The following CHD2 variants were observed in gnomAD, a reference collection of about 807,000 sequenced individuals.
The protein encoded by CHD2 is chromodomain helicase DNA binding protein 2.
Under a neutral mutation model 243.9 loss-of-function variants are expected in CHD2, and 28 were observed. The observed-to-expected ratio is 0.11, with a 90% CI of 0.09 to 0.16. The LOEUF (loss-of-function observed/expected upper bound fraction) is 0.16. Ranked by LOEUF, CHD2 falls within the 10% of genes least tolerant of loss-of-function variation. The pLI is 1.00. For synonymous variants in CHD2, 775 were observed against 779.0 expected (o/e 0.99, Z 0.09); for missense variants, 1,386 against 2,209.8 (o/e 0.63, Z 7.47).
Position 92,941,810 on chromosome 15 carries a change from T to C in CHD2, c.693-12T>C, listed in dbSNP as rs1351480933. The C allele has an allele frequency of 8.7e-6, 14 of 1,612,098 alleles. No homozygotes were observed. In the East Asian group the frequency reaches 3.1e-4, roughly 36 times the overall value. ...ATCATTTCTCATTTATTCAGCATTATTCCTCTTGCAGTTACAAAGAAGATG... is the reference window on the plus strand; with the variant it reads ...ATCATTTCTCATTTATTCAGCATTACTCCTCTTGCAGTTACAAAGAAGATG... On this transcript the variant is annotated splice_polypyrimidine_tract_variant and intron_variant, in intron 7 of 38. Coordinates refer to ENST00000394196, the MANE Select transcript of CHD2 (RefSeq NM_001271.4).
At position 92,997,038 on chromosome 15, in the gene CHD2, A is replaced by C. The variant is rs1294509320; in HGVS notation, c.3677A>C (p.Glu1226Ala). 2 of 1,613,998 alleles carry C rather than the reference A, an allele frequency of 1.2e-6. No individual in the cohort carries two copies. Among genetic ancestry groups the C allele is most frequent in the Admixed American group, 3.3e-5 (2 of 60,000 alleles). ...AATGTGAAATCCATTATCCAACATG[A>C]AGAGGAGTTTGAGATGCTGCATAAA... ...QVNVKSIIQH[E>A]EEFEMLHKSI... Residue 1226 changes from glutamate (E) to alanine (A), a missense_variant, in exon 29 of 39, where the codon GAA becomes GCA. Glu to Ala is a moderately radical substitution (Grantham distance 107, BLOSUM62 -1). Coordinates refer to ENST00000394196, the MANE Select transcript of CHD2 (RefSeq NM_001271.4). This position sits in a 1 kb window ranked among gnomAD's most constrained non-coding sequence, Gnocchi z 4.1.
intron 28 of CHD2, among the ~76,000 whole-genome samples, chr15:92,996,172 T>C (rs2054184963): frequency 6.7e-6 from 1 of 149,762 alleles, no homozygotes; most frequent in Non-Finnish European, 1.5e-5. Flanking sequence ...TTTTTTTTTT[T>C]TTTTTGAGAT....
chr15:93,001,583 C>G (rs970014826), intron 32 of CHD2, among the ~76,000 whole-genome samples: 3 of 152,138 alleles, frequency 2.0e-5, no homozygotes, highest in Non-Finnish European at 4.4e-5. Context: ...GTGGCGCGAT[C>G]TGGGCTCACA....
Position 92,998,746 on chromosome 15 carries a change from GT to G in CHD2, c.4008+130del. ...TGTCACCTTCTCATGGGCATATTTT[GT>G]TTTTGAGGTTCCAGTAATGATGCTT... is the stretch of plus-strand genomic sequence containing the variant. On this transcript the variant is annotated intron_variant, in intron 31 of 38. Transcript: ENST00000394196. The surrounding 1 kb of genome is among the most constrained non-coding windows in gnomAD (Gnocchi z 5.1). 8.2e-7 allele frequency: 1 copy of G among 1,226,864 alleles called. No individual in the cohort carries two copies. The highest frequency in any genetic ancestry group is 1.1e-6 in the Non-Finnish European group (1 of 885,430). The allele number at this position is 1,226,864 out of a possible 1,614,324, so 76.0% of individuals were successfully genotyped here.
intron 2 of CHD2, chr15:92,904,704 A>G: frequency 7.2e-7 from 1 of 1,387,304 alleles, no homozygotes; most frequent in Non-Finnish European, 9.3e-7. Flanking sequence ...TAAAGGCACT[A>G]TTTGGAAATC....
rs1555437960 is a variant in CHD2 at position 92,930,023 on chromosome 15, A to AGTCAG, written c.443+934_443+935insCAGGT. 8.2e-3 allele frequency among the ~76,000 whole-genome samples: 1,245 copies of AGTCAG among 152,018 alleles called. 17 individuals are homozygous for AGTCAG. Among genetic ancestry groups the AGTCAG allele is most frequent in the African/African-American group, 0.029 (1,195 of 41,462 alleles). ...AGGGTATTACAGAGCCTTACAGAAA[A>AGTCAG]GTACTTAATTTTGCCCTGCTAGAGC... On this transcript the variant is annotated intron_variant, in intron 5 of 38. Transcript: ENST00000394196.
intron 20 of CHD2, among the ~76,000 whole-genome samples, chr15:92,976,697 A>C (rs1162684044): frequency 6.6e-6 from 1 of 151,890 alleles, no homozygotes; most frequent in Non-Finnish European, 1.5e-5. Context: ...AAGATTTTAC[A>C]AAATTTAATT....
At chr15:92,988,161 C>T (rs1003245327) in intron 26 of CHD2, among the ~76,000 whole-genome samples, 9 of 152,008 alleles carry the variant, frequency 5.9e-5, no homozygotes, top group African/African-American at 2.2e-4. Context: ...CGGCCCACTG[C>T]AACCTCCACT....
intron 16 of CHD2, among the ~76,000 whole-genome samples, chr15:92,959,987 G>A (rs570011453): frequency 2.0e-5 from 3 of 152,256 alleles, no homozygotes; most frequent in Admixed American, 6.5e-5. Flanking sequence ...TTAATATTGA[G>A]TCTTCTAATC....
At chr15:92,912,744 C>T (rs1343969828) in intron 2 of CHD2, among the ~76,000 whole-genome samples, 12 of 152,090 alleles carry the variant, frequency 7.9e-5, no homozygotes, top group East Asian at 1.9e-4. Flanking sequence ...CTATGTTGGC[C>T]AGGCTGGTCT....
At chr15:92,917,680 A>G (rs551591998) in intron 2 of CHD2, among the ~76,000 whole-genome samples, 26 of 152,366 alleles carry the variant, frequency 1.7e-4, no homozygotes, top group Admixed American at 5.9e-4. Flanking sequence ...TCGGTTTAAT[A>G]ATCAGTTCAA....
intron 26 of CHD2, among the ~76,000 whole-genome samples, chr15:92,987,561 T>C (rs1450515332): frequency 6.7e-6 from 1 of 150,100 alleles, no homozygotes; most frequent in African/African-American, 2.5e-5. Context: ...TGAGCCGAGA[T>C]GGCACCACTA....
At chr15:92,907,946 G>C (rs1280562845) in intron 2 of CHD2, among the ~76,000 whole-genome samples, 1 of 151,860 alleles carries the variant, frequency 6.6e-6, no homozygotes, top group Non-Finnish European at 1.5e-5. Flanking sequence ...ATGATTTTAG[G>C]AGGCAAGTCC....
At chr15:92,920,187 C>A (rs550175012) in intron 2 of CHD2, among the ~76,000 whole-genome samples, 3 of 151,932 alleles carry the variant, frequency 2.0e-5, no homozygotes, top group Admixed American at 6.6e-5. Flanking sequence ...TGCATTGTTA[C>A]ATTTCTAGGA....
intron 37 of CHD2, 82 bp downstream of exon 37, chr15:93,014,991 G>C: frequency 9.2e-7 from 1 of 1,082,014 alleles, no homozygotes. Context: ...AAAGACACTG[G>C]CTAGACTTCT....
chr15:92,937,294 C>A (rs1192537741), intron 5 of CHD2, among the ~76,000 whole-genome samples: 2 of 151,988 alleles, frequency 1.3e-5, no homozygotes, highest in African/African-American at 2.4e-5. Context: ...ACATATATAT[C>A]CATTTTTATT....
At chr15:92,964,826 C>T (rs183319606) in intron 16 of CHD2, among the ~76,000 whole-genome samples, 6 of 152,260 alleles carry the variant, frequency 3.9e-5, no homozygotes, top group East Asian at 1.9e-4. Flanking sequence ...TCAGACTTAC[C>T]GCAGAAAACA....
chr15:92,919,911 A>G (rs1181742886), intron 2 of CHD2, among the ~76,000 whole-genome samples: 1 of 152,200 alleles, frequency 6.6e-6, no homozygotes, highest in African/African-American at 2.4e-5. Context: ...CACTAGTATC[A>G]TTCCCTGAGA....
At chr15:92,942,528 G>A (rs991474707) in intron 8 of CHD2, among the ~76,000 whole-genome samples, 5 of 152,034 alleles carry the variant, frequency 3.3e-5, no homozygotes, top group Middle Eastern at 3.4e-3. Context: ...CTTGGAGAGA[G>A]GGATTTGTTT....
Sources: gnomAD v4.1 joint callset for allele counts (sites outside exome capture counted in the v4.1 genomes callset) on GRCh38, gnomAD v4.1.1 for gene constraint, Gnocchi (gnomAD v3.1) non-coding constraint, MANE v1.5 for transcripts, NCBI Gene and HGNC (gene_info 2026-07-23, HGNC 2026-07-21) for gene names.